The following RPS6KA2 variants were observed in gnomAD, a reference collection of about 807,000 sequenced individuals.
RPS6KA2 encodes ribosomal protein S6 kinase alpha-2.
RPS6KA2 carries 42 observed loss-of-function variants against 91.8 expected under a neutral mutation model. The observed-to-expected ratio is 0.46, with a 90% CI of 0.36 to 0.59. The LOEUF is 0.59. Among genes scored for constraint, RPS6KA2 ranks in the 20% least tolerant of loss-of-function variants. The probability of loss-of-function intolerance (pLI) is 0.00; values close to 1 mark genes in which losing one functional copy is unlikely to be tolerated. For missense variants in RPS6KA2, 798 were observed against 978.5 expected (o/e 0.82, Z 2.46); for synonymous variants, 414 against 393.6 (o/e 1.05, Z -0.61).
rs934979531 is a variant in RPS6KA2 at position 166,495,233 on chromosome 6, G to A, written c.747+3275C>T. Among the ~76,000 whole-genome samples, 7 of 152,212 alleles carry A rather than the reference G, an allele frequency of 4.6e-5. No homozygotes were observed. The highest frequency in any genetic ancestry group is 1.4e-4 in the African/African-American group (6 of 41,448). The stretch of plus-strand genomic sequence containing the variant: ...GGAGATTGTTGGGTTGAGATCAAAT[G>A]TGAAGATGGCCAGGCAGCCTTAGCT... On this transcript the variant is annotated intron_variant, in intron 8 of 20. Transcript: ENST00000265678. This position sits in a 1 kb window ranked among gnomAD's most constrained non-coding sequence, Gnocchi z 4.4.
rs552702988 is a variant in RPS6KA2, at chr6:166,837,042, T to C, written c.123+21158A>G. On this transcript the variant is annotated intron_variant, in intron 2 of 21. Coordinates refer to the RPS6KA2 transcript ENST00000503859. The stretch of plus-strand genomic sequence containing the variant: ...CCAGTACCCGCTGCACCCTCAGCGC[T>C]GAGCAGGTGCCGCTCACCTGGCCAC... Among the ~76,000 whole-genome samples, 18 of 152,322 alleles carry C rather than the reference T, an allele frequency of 1.2e-4. No individual in the cohort carries two copies. In the South Asian group the frequency reaches 3.1e-3, roughly 26 times the overall value.
chr6:166,428,857 C>T (rs568115587), intron 16 of RPS6KA2, among the ~76,000 whole-genome samples: 100 of 150,816 alleles, frequency 6.6e-4, no homozygotes, highest in African/African-American at 2.2e-3. Flanking sequence ...ACTAGTTCAA[C>T]CATTGTGGAA....
At chr6:166,413,744 T>G in intron 20 of RPS6KA2, 50 bp downstream of exon 20, 1 of 1,599,720 alleles carries the variant, frequency 6.3e-7, no homozygotes, top group Non-Finnish European at 8.5e-7. Flanking sequence ...CAGGCTCTTT[T>G]CTGGGTTTCC....
intron 2 of RPS6KA2, among the ~76,000 whole-genome samples, chr6:166,842,980 G>A (rs1312143790): frequency 6.6e-6 from 1 of 152,180 alleles, no homozygotes; most frequent in African/African-American, 2.4e-5. Flanking sequence ...CTTCTCAGTG[G>A]GGAGGGCAAG....
chr6:166,825,453 G>C lies in RPS6KA2; in HGVS notation c.123+32747C>G, dbSNP rs1163140868. Among the ~76,000 whole-genome samples the C allele has an allele frequency of 1.3e-5, 2 of 152,124 alleles. No individual in the cohort carries two copies. The highest frequency in any genetic ancestry group is 4.8e-5 in the African/African-American group (2 of 41,342). On this transcript the variant is annotated intron_variant, in intron 2 of 21. Coordinates refer to the RPS6KA2 transcript ENST00000503859. The surrounding 1 kb of genome is among the most constrained non-coding windows in gnomAD (Gnocchi z 4.1). ...CAGAGAGGGACCCCTGGGCAGGCCT[G>C]CTTCCCCTGACATGACCCAGATCCT...
Position 166,488,744 on chromosome 6 carries a change from A to T in RPS6KA2, c.907+89T>A. ...GTGACCTTGGTTGGCATTGGGCCGG[A>T]GCAGGAGGGTGGCCCTCCACATCTC... On this transcript the variant is annotated intron_variant, in intron 10 of 20. Coordinates refer to ENST00000265678, the MANE Select transcript of RPS6KA2 (RefSeq NM_021135.6). 5.0e-6 allele frequency: 5 copies of T among 997,438 alleles called. No individual in the cohort carries two copies. The East Asian group carries it at 1.3e-4, about 25-fold the overall frequency. The allele number at this position is 997,438 out of a possible 1,614,324, so 61.8% of individuals were successfully genotyped here.
In RPS6KA2 at chr6:166,659,928, AT is replaced by A. The variant is rs111723183; in HGVS notation, c.124-121145del. Among the ~76,000 whole-genome samples, 1,159 of 141,976 alleles carry A rather than the reference AT, an allele frequency of 8.2e-3. 3 individuals carry two copies. The highest frequency in any genetic ancestry group is 0.017 in the African/African-American group (651 of 38,636). 93.1% of individuals were successfully genotyped at this position (141,976 alleles called of 152,430 possible). The stretch of plus-strand genomic sequence containing the variant: ...GTTTAAGAACTAATACATTTTTTGT[AT>A]TTTTTTTTTTTTAGACACAAGGTCT... On this transcript the variant is annotated intron_variant, in intron 2 of 21. Coordinates refer to the RPS6KA2 transcript ENST00000503859.
At chr6:166,762,657 C>T (rs1183773060) in intron 2 of RPS6KA2, among the ~76,000 whole-genome samples, 2 of 152,270 alleles carry the variant, frequency 1.3e-5, no homozygotes, top group South Asian at 2.1e-4. Context: ...GTCCTGTTTG[C>T]TCCCAGTTCA....
chr6:166,464,701 C>T (rs373462398), intron 11 of RPS6KA2, among the ~76,000 whole-genome samples: 19 of 152,258 alleles, frequency 1.2e-4, no homozygotes, highest in South Asian at 6.2e-4. Flanking sequence ...GCTTCAGCCA[C>T]GGGGGAAAAA....
intron 2 of RPS6KA2, among the ~76,000 whole-genome samples, chr6:166,690,967 T>C (rs1789191376): frequency 6.6e-6 from 1 of 151,970 alleles, no homozygotes; most frequent in Admixed American, 6.5e-5. Context: ...ATTAAATAAA[T>C]AATTAATGTG....
rs994623775 is a variant in RPS6KA2, at chr6:166,733,782, G to A, written c.123+124418C>T. On this transcript the variant is annotated intron_variant, in intron 2 of 21. Coordinates refer to the RPS6KA2 transcript ENST00000503859. The surrounding 1 kb of genome is among the most constrained non-coding windows in gnomAD (Gnocchi z 4.1). ...TGCCATCCCTAAACTGTTTGGGAGA[G>A]AAGAGGAAGAGAGAAGTAAAAGGAA... Among the ~76,000 whole-genome samples, 3 of 152,238 alleles carry A rather than the reference G, an allele frequency of 2.0e-5. No homozygotes were observed. The highest frequency in any genetic ancestry group is 7.2e-5 in the African/African-American group (3 of 41,464).
intron 2 of RPS6KA2, among the ~76,000 whole-genome samples, chr6:166,820,710 TATATGA>T (rs1189486511): frequency 6.6e-6 from 1 of 152,234 alleles, no homozygotes; most frequent in African/African-American, 2.4e-5. Context: ...GATTTATATA[TATATGA>T]ATATAACACA....
intron 1 of RPS6KA2, among the ~76,000 whole-genome samples, chr6:166,596,185 T>C (rs971550447): frequency 1.3e-5 from 2 of 152,146 alleles, no homozygotes; most frequent in African/African-American, 2.4e-5. Flanking sequence ...AGATAGGCGG[T>C]AAGGTCCACG....
chr6:166,427,537 G>GTATA (rs1242112139), intron 16 of RPS6KA2, among the ~76,000 whole-genome samples: 2 of 152,166 alleles, frequency 1.3e-5, no homozygotes, highest in Non-Finnish European at 2.9e-5. Flanking sequence ...TGACATGATT[G>GTATA]TATATCTAGA....
rs149561174 is a variant in RPS6KA2 at position 166,479,860 on chromosome 6, C to G, written c.907+8973G>C. On this transcript the variant is annotated intron_variant, in intron 10 of 20. Transcript: ENST00000265678. The stretch of plus-strand genomic sequence containing the variant: ...AAAACACAAACAGGATAATTCTGAA[C>G]GTTCTGTGCTGCAATGAGCTATTTT... Among the ~76,000 whole-genome samples, 10 of 152,282 alleles carry G rather than the reference C, an allele frequency of 6.6e-5. No individual in the cohort carries two copies. In the East Asian group the frequency reaches 1.9e-3, roughly 29 times the overall value.
chr6:166,492,400 T>C (rs1781623249), intron 8 of RPS6KA2, among the ~76,000 whole-genome samples: 1 of 152,220 alleles, frequency 6.6e-6, no homozygotes, highest in Admixed American at 6.5e-5. Context: ...ATGAGCTGTT[T>C]GTCTGGTAAA....
intron 1 of RPS6KA2, among the ~76,000 whole-genome samples, chr6:166,614,551 C>G (rs966996534): frequency 2.0e-5 from 3 of 152,270 alleles, no homozygotes; most frequent in African/African-American, 7.2e-5. Flanking sequence ...CTATCTTCCT[C>G]AAAGCTGAAC....
chr6:166,773,717 C>T (rs1456351654), intron 2 of RPS6KA2, among the ~76,000 whole-genome samples: 1 of 152,178 alleles, frequency 6.6e-6, no homozygotes, highest in Non-Finnish European at 1.5e-5. Flanking sequence ...GCTACTGTCC[C>T]CTTCCTCGTC....
At chr6:166,671,969 G>T (rs1788484925) in intron 2 of RPS6KA2, among the ~76,000 whole-genome samples, 1 of 152,088 alleles carries the variant, frequency 6.6e-6, no homozygotes, top group Admixed American at 6.6e-5. Flanking sequence ...GGAGTCCAGG[G>T]GTCTGACACC....
Sources: allele counts gnomAD v4.1 joint callset (sites outside exome capture counted in the v4.1 genomes callset), GRCh38; gene constraint gnomAD v4.1.1; non-coding constraint Gnocchi (gnomAD v3.1); transcripts MANE v1.5; gene names NCBI Gene and HGNC (gene_info 2026-07-23, HGNC 2026-07-21).